The following SLC39A11 variants were observed in gnomAD, a reference collection of about 807,000 sequenced individuals.
The protein encoded by SLC39A11 is solute carrier family 39 member 11.
A neutral mutation model predicts 36.1 loss-of-function variants in SLC39A11; 33 were observed. The observed-to-expected ratio is 0.91, with a 90% CI of 0.69 to 1.22. The LOEUF is 1.22. Among genes scored for constraint, SLC39A11 ranks in the 50% most tolerant of loss-of-function variants. SLC39A11 has a pLI of 0.00. For synonymous variants in SLC39A11, 166 were observed against 170.3 expected (o/e 0.97, Z 0.20); for missense variants, 432 against 430.3 (o/e 1.00, Z -0.03).
At position 72,771,354 on chromosome 17, in the gene SLC39A11, T is replaced by TAAAAA. The variant is rs4036979; in HGVS notation, c.602-34640_602-34636dup. ...CTGGGCAACAGAGCGAGACCCTATC[T>TAAAAA]AAAAAAAAAAAAAAAATCCTTAAAC... On this transcript the variant is annotated intron_variant, in intron 6 of 9. Coordinates refer to ENST00000255559, the MANE Select transcript of SLC39A11 (RefSeq NM_139177.4). 1.5e-3 allele frequency among the ~76,000 whole-genome samples: 221 copies of TAAAAA among 142,934 alleles called. 1 individual carries two copies. Among genetic ancestry groups the TAAAAA allele is most frequent in the East Asian group, 0.013 (62 of 4,794 alleles). 93.8% of individuals were successfully genotyped at this position (142,934 alleles called of 152,430 possible).
At chr17:73,015,394 C>T (rs1181537166) in intron 4 of SLC39A11, among the ~76,000 whole-genome samples, 2 of 152,256 alleles carry the variant, frequency 1.3e-5, no homozygotes, top group African/African-American at 4.8e-5. Context: ...GATAACGTCA[C>T]GACCTATGCA....
Position 72,895,484 on chromosome 17 carries a change from C to T in SLC39A11, c.431-45680G>A, listed in dbSNP as rs184500756. Among the ~76,000 whole-genome samples the T allele has an allele frequency of 4.8e-3, 733 of 151,764 alleles. 4 individuals are homozygous for T. Among genetic ancestry groups the T allele is most frequent in the Non-Finnish European group, 6.6e-3 (451 of 67,958 alleles). On this transcript the variant is annotated intron_variant, in intron 5 of 9. Transcript: ENST00000255559. Reference sequence around the variant, plus strand: ...ATCCCAGCTACATGGGAGGCTGAGGCGGGAGAATTGCTTGAACCCAGGAAG... The same window carrying T: ...ATCCCAGCTACATGGGAGGCTGAGGTGGGAGAATTGCTTGAACCCAGGAAG...
intron 6 of SLC39A11, among the ~76,000 whole-genome samples, chr17:72,792,745 G>T (rs2567516): frequency 6.6e-5 from 10 of 152,040 alleles, no homozygotes; most frequent in African/African-American, 2.2e-4. Flanking sequence ...TTAAGGTCAG[G>T]GGTCTTCCCC....
chr17:73,018,846 G>GA (rs11300100), intron 4 of SLC39A11, among the ~76,000 whole-genome samples: 28 of 145,296 alleles, frequency 1.9e-4, no homozygotes, highest in South Asian at 2.2e-4. Context: ...ATCACTGGGA[G>GA]AAAAAAAAAA....
At chr17:72,938,539 T>G (rs2084909762) in intron 5 of SLC39A11, among the ~76,000 whole-genome samples, 1 of 152,116 alleles carries the variant, frequency 6.6e-6, no homozygotes, top group Non-Finnish European at 1.5e-5. Context: ...TCCCAAGCAC[T>G]CAAAACCAAC....
At chr17:72,843,910 C>T (rs190096382) in intron 6 of SLC39A11, among the ~76,000 whole-genome samples, 24 of 152,162 alleles carry the variant, frequency 1.6e-4, no homozygotes, top group Admixed American at 6.5e-4. Flanking sequence ...TGGATACCTC[C>T]GGGAGATAGG....
At chr17:72,741,656 A>T (rs571297209) in intron 6 of SLC39A11, among the ~76,000 whole-genome samples, 1 of 152,284 alleles carries the variant, frequency 6.6e-6, no homozygotes, top group East Asian at 1.9e-4. Context: ...TATTTGCATT[A>T]AAATGACTAA....
At chr17:72,853,042 T>C (rs569396989) in intron 5 of SLC39A11, among the ~76,000 whole-genome samples, 1 of 152,168 alleles carries the variant, frequency 6.6e-6, no homozygotes, top group South Asian at 2.1e-4. Context: ...TTAAGCAGGG[T>C]CCCACTCTGT....
chr17:72,891,884 C>G (rs976289195), intron 5 of SLC39A11, among the ~76,000 whole-genome samples: 1 of 151,688 alleles, frequency 6.6e-6, no homozygotes, highest in African/African-American at 2.4e-5. Context: ...TTAAAAAACT[C>G]TCCTCCACTA....
intron 5 of SLC39A11, among the ~76,000 whole-genome samples, chr17:72,860,309 G>A (rs1375351474): frequency 6.6e-6 from 1 of 152,184 alleles, no homozygotes; most frequent in Admixed American, 6.5e-5. Flanking sequence ...CTCACCAGGA[G>A]TACCAGGGTA....
intron 3 of SLC39A11, among the ~76,000 whole-genome samples, chr17:73,082,904 T>C (rs1389288499): frequency 6.6e-6 from 1 of 150,756 alleles, no homozygotes; most frequent in Non-Finnish European, 1.5e-5. Context: ...TAATCCCAGT[T>C]ACTCGGGAGC....
At chr17:72,699,030 C>T (rs952057014) in intron 7 of SLC39A11, among the ~76,000 whole-genome samples, 22 of 152,168 alleles carry the variant, frequency 1.4e-4, no homozygotes, top group Admixed American at 7.9e-4. Context: ...GGGGTTTCAC[C>T]ATGTTAGCCA....
chr17:72,992,565 T>C (rs2089247705), intron 4 of SLC39A11, among the ~76,000 whole-genome samples: 1 of 152,230 alleles, frequency 6.6e-6, no homozygotes, highest in South Asian at 2.1e-4. Flanking sequence ...TGGACACCAA[T>C]ATTTCATCAG....
chr17:72,860,023 A>C (rs1012585976), intron 5 of SLC39A11, among the ~76,000 whole-genome samples: 1 of 68,142 alleles, frequency 1.5e-5, no homozygotes. Context: ...AGGGGAGGGG[A>C]GGGGAGGGGA....
At position 73,008,908 on chromosome 17, in the gene SLC39A11, T is replaced by A. The variant is rs1017278142; in HGVS notation, c.306+22648A>T. Among the ~76,000 whole-genome samples, 335 of 150,418 alleles carry A rather than the reference T, an allele frequency of 2.2e-3. 2 individuals are homozygous for A. The highest frequency in any genetic ancestry group is 7.9e-3 in the African/African-American group (323 of 40,656). ...GTCACTACAAAAAAAAATAAATAAA[T>A]AAAATAGGCAGGCGTGGCAGCACAT... is the stretch of plus-strand genomic sequence containing the variant. On this transcript the variant is annotated intron_variant, in intron 4 of 9. Transcript: ENST00000255559.
At chr17:72,984,317 T>G (rs1259517985) in intron 4 of SLC39A11, among the ~76,000 whole-genome samples, 1 of 151,766 alleles carries the variant, frequency 6.6e-6, no homozygotes, top group Non-Finnish European at 1.5e-5. Context: ...CTGAAGGGGC[T>G]TGGTCAAACC....
At chr17:72,982,731 T>C (rs1039633599) in intron 4 of SLC39A11, among the ~76,000 whole-genome samples, 1 of 151,942 alleles carries the variant, frequency 6.6e-6, no homozygotes, top group Non-Finnish European at 1.5e-5. Context: ...ATGCCTTATT[T>C]GACAGAAATT....
intron 7 of SLC39A11, among the ~76,000 whole-genome samples, chr17:72,680,571 C>T (rs893311354): frequency 8.5e-5 from 13 of 152,190 alleles, no homozygotes; most frequent in Non-Finnish European, 1.2e-4. Flanking sequence ...ATTTGCCTTC[C>T]GCCATGATTG....
chr17:72,788,886 G>C (rs1442700746), intron 6 of SLC39A11, among the ~76,000 whole-genome samples: 1 of 152,222 alleles, frequency 6.6e-6, no homozygotes, highest in Non-Finnish European at 1.5e-5. Context: ...TGCAACTGAA[G>C]CGTGACCACA....
Sources: gnomAD v4.1 joint callset for allele counts (sites outside exome capture counted in the v4.1 genomes callset) on GRCh38, gnomAD v4.1.1 for gene constraint, MANE v1.5 for transcripts, NCBI Gene and HGNC (gene_info 2026-07-23, HGNC 2026-07-21) for gene names.